The following GRIA1 variants were observed in gnomAD, a reference collection of about 807,000 sequenced individuals.
The protein encoded by GRIA1 is glutamate ionotropic receptor AMPA type subunit 1, also known as glutamate receptor 1.
GRIA1 carries 31 observed loss-of-function variants against 99.2 expected under a neutral mutation model. The ratio of observed to expected loss-of-function variants is 0.31; its 90% CI spans 0.23 to 0.42. The LOEUF is 0.42. Ranked by LOEUF, GRIA1 falls within the 10% of genes least tolerant of loss-of-function variation. GRIA1 has a pLI of 1.00. For missense variants in GRIA1, 782 were observed against 1,157.5 expected, an observed-to-expected ratio of 0.68 and a Z score of 4.71; for synonymous variants, 438 against 432.4, an observed-to-expected ratio of 1.01 and a Z score of -0.16.
intron 15 of GRIA1, among the ~76,000 whole-genome samples, chr5:153,808,230 C>T (rs1425251127): frequency 2.0e-5 from 3 of 152,140 alleles, no homozygotes; most frequent in Admixed American, 6.5e-5. Flanking sequence ...TTTTACTCAT[C>T]CCTTTGTCTC....
At chr5:153,613,755 G>C (rs1042114403) in intron 2 of GRIA1, among the ~76,000 whole-genome samples, 1 of 151,642 alleles carries the variant, frequency 6.6e-6, no homozygotes, top group Non-Finnish European at 1.5e-5. Context: ...ATTCTTCAGC[G>C]TTAAAGGGGC....
chr5:153,740,647 G>A (rs1761716665), intron 11 of GRIA1, among the ~76,000 whole-genome samples: 1 of 152,236 alleles, frequency 6.6e-6, no homozygotes, highest in Non-Finnish European at 1.5e-5. Flanking sequence ...TTGTCCACCA[G>A]ATATATCCAG....
At chr5:153,652,704 G>T (rs1041345884) in intron 4 of GRIA1, among the ~76,000 whole-genome samples, 8 of 152,172 alleles carry the variant, frequency 5.3e-5, no homozygotes, top group African/African-American at 1.9e-4. Flanking sequence ...CATCTATTTT[G>T]AAAAGTAAGA....
intron 2 of GRIA1, among the ~76,000 whole-genome samples, chr5:153,578,762 G>T (rs1762793258): frequency 6.6e-6 from 1 of 152,098 alleles, no homozygotes; most frequent in South Asian, 2.1e-4. Context: ...CAAAAAATTA[G>T]CTGGGCATGG....
chr5:153,707,600 T>C (rs1402457336), intron 11 of GRIA1, among the ~76,000 whole-genome samples: 1 of 152,134 alleles, frequency 6.6e-6, no homozygotes, highest in Admixed American at 6.5e-5. Flanking sequence ...TCTGGAGGCA[T>C]AAGTGCATAA....
chr5:153,587,358 T>C (rs1763581814), intron 2 of GRIA1, among the ~76,000 whole-genome samples: 1 of 152,210 alleles, frequency 6.6e-6, no homozygotes, highest in South Asian at 2.1e-4. Flanking sequence ...CAGAAGCAGA[T>C]GCTGGTGCTA....
intron 2 of GRIA1, among the ~76,000 whole-genome samples, chr5:153,622,199 C>T (rs1052448848): frequency 1.3e-5 from 2 of 152,162 alleles, no homozygotes; most frequent in Non-Finnish European, 2.9e-5. Context: ...TTTTAACAAA[C>T]CCTTAAGAGG....
intron 11 of GRIA1, among the ~76,000 whole-genome samples, chr5:153,747,240 C>T (rs940519917): frequency 5.3e-5 from 8 of 152,106 alleles, no homozygotes; most frequent in African/African-American, 9.7e-5. Context: ...AGAGGAGCAG[C>T]GTGTCACATG....
chr5:153,521,906 A>G (rs1757182143), intron 2 of GRIA1, among the ~76,000 whole-genome samples: 1 of 152,238 alleles, frequency 6.6e-6, no homozygotes, highest in East Asian at 1.9e-4. Flanking sequence ...ATAGATATTT[A>G]AATATTTATT....
intron 5 of GRIA1, among the ~76,000 whole-genome samples, chr5:153,671,296 A>G (rs894170524): frequency 6.6e-6 from 1 of 152,234 alleles, no homozygotes; most frequent in Non-Finnish European, 1.5e-5. Context: ...CTTGTTACAG[A>G]TTTTCAAGAG....
At chr5:153,542,110 T>C (rs1179809687) in intron 2 of GRIA1, among the ~76,000 whole-genome samples, 1 of 151,998 alleles carries the variant, frequency 6.6e-6, no homozygotes, top group Non-Finnish European at 1.5e-5. Context: ...TGATGATAAA[T>C]AAGTATTGAA....
At position 153,791,758 on chromosome 5, in the gene GRIA1, C is replaced by T. The variant is rs1261103524; in HGVS notation, c.2271-2863C>T. 2.0e-5 allele frequency among the ~76,000 whole-genome samples: 3 copies of T among 152,156 alleles called. No individual in the cohort carries two copies. In the East Asian group the frequency reaches 5.8e-4, roughly 29 times the overall value. On this transcript the variant is annotated intron_variant, in intron 13 of 15. Transcript: ENST00000285900. ...AATAAATATTAACTACAACGATCAC[C>T]TTATATCCCTGTGCATTTTCTTTGC...
At chr5:153,738,569 C>T (rs1238277793) in intron 11 of GRIA1, among the ~76,000 whole-genome samples, 1 of 152,042 alleles carries the variant, frequency 6.6e-6, no homozygotes, top group African/African-American at 2.4e-5. Flanking sequence ...TTCCTCACCC[C>T]CTGCATCCAA....
At chr5:153,522,566 C>A (rs757529722) in intron 2 of GRIA1, among the ~76,000 whole-genome samples, 3 of 152,120 alleles carry the variant, frequency 2.0e-5, no homozygotes, top group Non-Finnish European at 2.9e-5. Context: ...AAGTCCAACA[C>A]AAAATGGTGG....
At chr5:153,736,151 C>A (rs1471777702) in intron 11 of GRIA1, among the ~76,000 whole-genome samples, 2 of 152,120 alleles carry the variant, frequency 1.3e-5, no homozygotes, top group East Asian at 3.9e-4. Context: ...TCAGAAGGGA[C>A]TGAGAAGGAG....
At position 153,494,297 on chromosome 5, in the gene GRIA1, A is replaced by T. The variant is rs1754206840; in HGVS notation, c.220+232A>T. On this transcript the variant is annotated intron_variant, in intron 2 of 15. Transcript: ENST00000285900. Reference sequence around the variant, plus strand: ...GCTTTTTCACTGTCAGCTAACTTTAATGCCAGCACGATGGGTGCTTGGGTT... The same window carrying T: ...GCTTTTTCACTGTCAGCTAACTTTATTGCCAGCACGATGGGTGCTTGGGTT... 4 of 517,040 alleles carry T rather than the reference A, an allele frequency of 7.7e-6. No homozygotes were observed. The East Asian group carries it at 1.3e-4, about 17-fold the overall frequency. The allele number at this position is 517,040 out of a possible 1,614,324, so 32.0% of individuals were successfully genotyped here.
intron 2 of GRIA1, among the ~76,000 whole-genome samples, chr5:153,612,832 G>A (rs188710491): frequency 6.6e-5 from 10 of 152,156 alleles, no homozygotes; most frequent in Admixed American, 1.3e-4. Flanking sequence ...GAGAGCCAGC[G>A]GCAGTATTAG....
intron 2 of GRIA1, among the ~76,000 whole-genome samples, chr5:153,589,528 G>A (rs565648075): frequency 2.6e-5 from 4 of 152,018 alleles, no homozygotes; most frequent in Admixed American, 1.3e-4. Context: ...TACTGAAATC[G>A]GCCACCCAGC....
At chr5:153,706,694 G>A (rs981701187) in intron 11 of GRIA1, among the ~76,000 whole-genome samples, 9 of 152,118 alleles carry the variant, frequency 5.9e-5, no homozygotes, top group African/African-American at 1.9e-4. Context: ...AGATGTTGGC[G>A]TCTTCATCTT....
Sources: allele counts gnomAD v4.1 joint callset (sites outside exome capture counted in the v4.1 genomes callset), GRCh38; gene constraint gnomAD v4.1.1; transcripts MANE v1.5; gene names NCBI Gene and HGNC (gene_info 2026-07-23, HGNC 2026-07-21).